DPP6: variants seen among roughly 807,000 people sequenced by gnomAD.
The protein encoded by DPP6 is dipeptidyl peptidase like 6.
In DPP6, 69 loss-of-function variants were observed where a neutral mutation model predicts 122.6. The ratio of observed to expected loss-of-function variants is 0.56; its 90% confidence interval spans 0.46 to 0.69. The LOEUF is 0.69. Among genes scored for constraint, DPP6 ranks in the 30% least tolerant of loss-of-function variants. The pLI, the probability that DPP6 is intolerant of heterozygous loss-of-function variation, is 0.00. For missense variants in DPP6, 928 were observed against 1,116.9 expected (o/e 0.83, Z 2.41); for synonymous variants, 418 against 433.1 (o/e 0.97, Z 0.43).
chr7:154,434,042 G>A lies in DPP6; in HGVS notation c.244-12172G>A, dbSNP rs1026482225. Among the ~76,000 whole-genome samples the A allele has an allele frequency of 2.5e-4, 38 of 152,270 alleles. 1 individual carries two copies. Among genetic ancestry groups the A allele is most frequent in the African/African-American group, 2.6e-4 (11 of 41,554 alleles). Reference sequence around the variant, plus strand: ...TTTTACCTATAAGAACAATAAAGGCGTCTTCAGGCTTTTTAAACCTGTAAC... The same window carrying A: ...TTTTACCTATAAGAACAATAAAGGCATCTTCAGGCTTTTTAAACCTGTAAC... On this transcript the variant is annotated intron_variant, in intron 1 of 25. Transcript: ENST00000377770.
At chr7:153,974,603 A>G (rs1448244435) in intron 1 of DPP6, among the ~76,000 whole-genome samples, 1 of 152,076 alleles carries the variant, frequency 6.6e-6, no homozygotes, top group Non-Finnish European at 1.5e-5. Context: ...ATCTTCCACA[A>G]TTCCTCTTTC....
intron 8 of DPP6, among the ~76,000 whole-genome samples, chr7:154,761,635 GCAT>G (rs1795562823): frequency 6.6e-6 from 1 of 152,232 alleles, no homozygotes; most frequent in Non-Finnish European, 1.5e-5. Context: ...GGGAGCAGGT[GCAT>G]CACGTGGTGG....
At chr7:154,872,279 C>T (rs1018908224) in intron 18 of DPP6, among the ~76,000 whole-genome samples, 4 of 151,938 alleles carry the variant, frequency 2.6e-5, no homozygotes, top group Admixed American at 6.5e-5. Context: ...CCTTTGTTGC[C>T]GCAGGCAGCC....
chr7:154,288,779 T>TAAAA (rs796623298), intron 1 of DPP6, among the ~76,000 whole-genome samples: 2 of 151,200 alleles, frequency 1.3e-5, no homozygotes, highest in Admixed American at 1.3e-4. Flanking sequence ...GATATGCTGG[T>TAAAA]AAAAAAAAAC....
At chr7:154,763,878 T>A (rs1051388917) in intron 8 of DPP6, among the ~76,000 whole-genome samples, 1 of 152,202 alleles carries the variant, frequency 6.6e-6, no homozygotes, top group African/African-American at 2.4e-5. Context: ...ACTTTAAGTC[T>A]GCCTCACTCC....
intron 7 of DPP6, among the ~76,000 whole-genome samples, chr7:154,705,278 G>A (rs1353676534): frequency 6.6e-6 from 1 of 152,228 alleles, no homozygotes; most frequent in Non-Finnish European, 1.5e-5. Flanking sequence ...ATGATCAGAA[G>A]TGGGTTTGGC....
At chr7:154,705,584 G>T (rs1563123555) in intron 7 of DPP6, among the ~76,000 whole-genome samples, 1 of 152,176 alleles carries the variant, frequency 6.6e-6, no homozygotes, top group African/African-American at 2.4e-5. Flanking sequence ...TGTGTCAGAG[G>T]CCATCACTCA....
At chr7:154,439,063 C>G (rs1819143945) in intron 1 of DPP6, among the ~76,000 whole-genome samples, 1 of 152,134 alleles carries the variant, frequency 6.6e-6, no homozygotes, top group South Asian at 2.1e-4. Flanking sequence ...AAAGTGAGCT[C>G]CAATTACTTT....
intron 1 of DPP6, among the ~76,000 whole-genome samples, chr7:154,445,947 A>G (rs1819829835): frequency 6.6e-6 from 1 of 152,220 alleles, no homozygotes. Flanking sequence ...GGTTTGCACA[A>G]AAGCTGCAAA....
intron 12 of DPP6, among the ~76,000 whole-genome samples, chr7:154,799,107 G>C (rs2150443132): frequency 6.6e-6 from 1 of 152,258 alleles, no homozygotes; most frequent in East Asian, 1.9e-4. Flanking sequence ...ACCTCAGGGA[G>C]ACCCGGCCTG....
intron 8 of DPP6, among the ~76,000 whole-genome samples, chr7:154,741,064 ACCCT>A (rs1271100745): frequency 1.3e-5 from 2 of 152,096 alleles, no homozygotes; most frequent in Non-Finnish European, 2.9e-5. Context: ...GAGAGGACAT[ACCCT>A]TCGTCACTCG....
chr7:154,253,621 A>G (rs1362816190), intron 1 of DPP6, among the ~76,000 whole-genome samples: 2 of 152,360 alleles, frequency 1.3e-5, no homozygotes, highest in Admixed American at 6.5e-5. Flanking sequence ...GGTATAAACC[A>G]TACTGGTAAA....
At chr7:153,878,488 C>A in the DPP6 span, among the ~76,000 whole-genome samples, 1 of 152,056 alleles carries the variant, frequency 6.6e-6, no homozygotes, top group Non-Finnish European at 1.5e-5. Flanking sequence ...CATACAATAT[C>A]TCCGAGTCTC....
At chr7:154,217,008 C>T (rs1392960581) in intron 1 of DPP6, among the ~76,000 whole-genome samples, 1 of 151,954 alleles carries the variant, frequency 6.6e-6, no homozygotes, top group Non-Finnish European at 1.5e-5. Context: ...CATATTTAGA[C>T]ACCCTTCCCA....
At chr7:154,794,859 A>G (rs942748866) in intron 11 of DPP6, among the ~76,000 whole-genome samples, 2 of 1,110 alleles carry the variant, frequency 1.8e-3, no homozygotes, top group East Asian at 0.017. Flanking sequence ...TAGACATCAA[A>G]TAATATCGAT....
At chr7:153,970,665 G>T (rs1415129130) in intron 1 of DPP6, among the ~76,000 whole-genome samples, 1 of 152,130 alleles carries the variant, frequency 6.6e-6, no homozygotes, top group East Asian at 1.9e-4. Flanking sequence ...GTTAAATTTT[G>T]TAGATGGTAT....
At chr7:154,057,711 T>G (rs1303297350) in intron 1 of DPP6, 2 of 150,386 alleles carry the variant, frequency 1.3e-5, no homozygotes, top group Non-Finnish European at 2.9e-5. Flanking sequence ...ACCTTTGAAA[T>G]GGGGATCCCG....
At chr7:154,115,317 G>A (rs1425196562) in intron 1 of DPP6, among the ~76,000 whole-genome samples, 1 of 152,194 alleles carries the variant, frequency 6.6e-6, no homozygotes, top group Non-Finnish European at 1.5e-5. Flanking sequence ...TAATTATAGG[G>A]TCCTACTTAT....
At chr7:153,927,694 T>C (rs1037114831) in intron 1 of DPP6, among the ~76,000 whole-genome samples, 3 of 152,214 alleles carry the variant, frequency 2.0e-5, no homozygotes, top group African/African-American at 7.2e-5. Flanking sequence ...GAAAAGGTGC[T>C]AAGAGTATAA....
Sources: gnomAD v4.1 joint callset for allele counts (sites outside exome capture counted in the v4.1 genomes callset) on GRCh38, gnomAD v4.1.1 for gene constraint, MANE v1.5 for transcripts, NCBI Gene and HGNC (gene_info 2026-07-23, HGNC 2026-07-21) for gene names.